The following RBFOX3 variants were observed in gnomAD, a reference collection of about 807,000 sequenced individuals.
The protein encoded by RBFOX3 is RNA binding fox-1 homolog 3.
Under a neutral mutation model 48.7 loss-of-function variants are expected in RBFOX3, and 17 were observed. The observed-to-expected ratio is 0.35, with a 90% CI of 0.24 to 0.52. The LOEUF is 0.52. Ranked by LOEUF, RBFOX3 falls within the 20% of genes least tolerant of loss-of-function variation. RBFOX3 has a pLI of 0.94. For missense variants in RBFOX3, 382 were observed against 497.5 expected (o/e 0.77, Z 2.21); for synonymous variants, 212 against 209.5 (o/e 1.01, Z -0.10).
intron 2 of RBFOX3, among the ~76,000 whole-genome samples, chr17:79,446,141 G>C (rs1426510589): frequency 6.6e-6 from 1 of 152,170 alleles, no homozygotes; most frequent in South Asian, 2.1e-4. Flanking sequence ...CTGAGGCTCT[G>C]AACTCCTCAC....
At chr17:79,621,533 C>T in the RBFOX3 span, among the ~76,000 whole-genome samples, 5 of 152,198 alleles carry the variant, frequency 3.3e-5, no homozygotes, top group Non-Finnish European at 7.3e-5. Context: ...TCATGTTGGT[C>T]GTTAGAGTTT....
chr17:79,216,901 A>C (rs1320242175), intron 4 of RBFOX3, among the ~76,000 whole-genome samples: 1 of 152,032 alleles, frequency 6.6e-6, no homozygotes, highest in Non-Finnish European at 1.5e-5. Context: ...CATTGAGCCC[A>C]CTGCCCAGAC....
intron 1 of RBFOX3, among the ~76,000 whole-genome samples, chr17:79,569,021 C>G (rs955165282): frequency 1.4e-4 from 22 of 151,938 alleles, no homozygotes; most frequent in Non-Finnish European, 3.1e-4. Context: ...CCACTAGCCT[C>G]TCAGGTAGGT....
Position 79,277,811 on chromosome 17 carries a change from G to A in RBFOX3, c.-74+29913C>T, listed in dbSNP as rs545155490. Among the ~76,000 whole-genome samples, 5 of 152,368 alleles carry A rather than the reference G, an allele frequency of 3.3e-5. No individual in the cohort carries two copies. The East Asian group carries it at 7.7e-4, about 24-fold the overall frequency. On this transcript the variant is annotated intron_variant, in intron 3 of 14. Transcript: ENST00000693108. ...GCAAGCCAGAAGGCTCGGAGACAGC[G>A]TGTGCAAACACAGAGCCTGGGCACA...
intron 3 of RBFOX3, among the ~76,000 whole-genome samples, chr17:79,241,392 T>C (rs2062352676): frequency 6.6e-6 from 1 of 152,122 alleles, no homozygotes; most frequent in East Asian, 1.9e-4. Flanking sequence ...ATTCCATCAT[T>C]TTGGGACATC....
At chr17:79,309,422 C>G (rs1349553651) in intron 2 of RBFOX3, among the ~76,000 whole-genome samples, 1 of 151,894 alleles carries the variant, frequency 6.6e-6, no homozygotes, top group East Asian at 1.9e-4. Context: ...GCTTCTCACA[C>G]CTGCTCCTTG....
chr17:79,244,360 T>G (rs2062823717), intron 3 of RBFOX3, among the ~76,000 whole-genome samples: 1 of 152,166 alleles, frequency 6.6e-6, no homozygotes, highest in Non-Finnish European at 1.5e-5. Context: ...AGCAGGGCCC[T>G]GAGACACCTG....
In RBFOX3 at chr17:79,115,559, T is replaced by C; in HGVS notation, c.157A>G (p.Thr53Ala). 1 of 1,335,264 alleles carries C rather than the reference T, an allele frequency of 7.5e-7. No individual in the cohort carries two copies. The highest frequency in any genetic ancestry group is 2.2e-5 in the South Asian group (1 of 46,350). The allele number at this position is 1,335,264 out of a possible 1,614,324, so 82.7% of individuals were successfully genotyped here. The change falls in exon 5 of 15, where the codon ACC becomes GCC. Residue 53 changes from threonine to alanine, a missense_variant. Around this residue, in one of 3 missense-constraint regions of RBFOX3, gnomAD observed 118 missense variants for 132.1 expected, o/e 0.89. Transcript: ENST00000693108. ...TCGGAGCCTGGCTGCTCGGGGTGGG[T>C]CTGTGCTGGTGTGTACAGGGTCATG... Reference protein sequence around the residue: ...HGMTLYTPAQTHPEQPGSEAS... With the variant: ...HGMTLYTPAQAHPEQPGSEAS...
chr17:79,652,597 G>GAA, the RBFOX3 span, among the ~76,000 whole-genome samples: 37 of 146,556 alleles, frequency 2.5e-4, 1 homozygote, highest in African/African-American at 8.0e-4. Context: ...GAGAGGAGAG[G>GAA]AGAGGAAAGG....
chr17:79,637,467 G>A, the RBFOX3 span, among the ~76,000 whole-genome samples: 1 of 151,978 alleles, frequency 6.6e-6, no homozygotes, highest in Admixed American at 6.5e-5. Context: ...GCTGAGGGGG[G>A]TGGATCACCT....
At chr17:79,394,807 C>T (rs1168439234) in intron 2 of RBFOX3, among the ~76,000 whole-genome samples, 3 of 152,236 alleles carry the variant, frequency 2.0e-5, no homozygotes, top group African/African-American at 7.2e-5. Flanking sequence ...CTCTGCCCCA[C>T]TCCTGAGACG....
In RBFOX3 at chr17:79,471,320, A is replaced by C. The variant is rs1347047659; in HGVS notation, c.-175+11134T>G. Among the ~76,000 whole-genome samples, 2 of 152,200 alleles carry C rather than the reference A, an allele frequency of 1.3e-5. No individual in the cohort carries two copies. Among genetic ancestry groups the C allele is most frequent in the Non-Finnish European group, 2.9e-5 (2 of 68,036 alleles). On this transcript the variant is annotated intron_variant, in intron 2 of 14. Transcript: ENST00000693108. The surrounding 1 kb of genome is among the most constrained non-coding windows in gnomAD (Gnocchi z 4.0). ...GGTATTCGCAGGGAAATGAGGGCAA[A>C]GCATTTTGCAAAGAGCGTGCAGGGC... is the stretch of plus-strand genomic sequence containing the variant.
At chr17:79,383,759 G>A (rs960314708) in intron 2 of RBFOX3, among the ~76,000 whole-genome samples, 1 of 152,150 alleles carries the variant, frequency 6.6e-6, no homozygotes, top group South Asian at 2.1e-4. Flanking sequence ...TGACTGTAGG[G>A]CCTGGGGAGC....
chr17:79,150,312 G>A lies in RBFOX3; in HGVS notation c.-33-34564C>T, dbSNP rs1040412027. 4.7e-4 allele frequency among the ~76,000 whole-genome samples: 72 copies of A among 152,118 alleles called. 2 individuals are homozygous for A. The highest frequency in any genetic ancestry group is 1.7e-3 in the African/African-American group (71 of 41,528). On this transcript the variant is annotated intron_variant, in intron 4 of 14. Transcript: ENST00000693108. ...CCACTCTGCTTGGGTAGGACGCTCT[G>A]GGTCAAGGGGCAGAGTGGCTGCTGT...
At chr17:79,612,713 C>T (rs891777914), upstream of RBFOX3, among the ~76,000 whole-genome samples, 383 of 152,350 alleles carry the variant, frequency 2.5e-3, 1 homozygote, top group African/African-American at 8.7e-3. Context: ...CCCCTGCCAC[C>T]GGATTTGAAA....
intron 1 of RBFOX3, among the ~76,000 whole-genome samples, chr17:79,509,419 G>T (rs2083743330): frequency 6.6e-6 from 1 of 152,090 alleles, no homozygotes; most frequent in African/African-American, 2.4e-5. Context: ...CACTCTGCGG[G>T]TATATTTGTT....
the RBFOX3 span, among the ~76,000 whole-genome samples, chr17:79,655,799 T>C: frequency 6.6e-6 from 1 of 152,026 alleles, no homozygotes; most frequent in African/African-American, 2.4e-5. Flanking sequence ...CAGTATGGGG[T>C]GTCCACCAAT....
In RBFOX3 at chr17:79,311,775, G is replaced by A. The variant is rs2076890430; in HGVS notation, c.-174-3951C>T. On this transcript the variant is annotated intron_variant, in intron 2 of 14. Coordinates refer to ENST00000693108, the MANE Select transcript of RBFOX3 (RefSeq NM_001350451.2). This position sits in a 1 kb window ranked among gnomAD's most constrained non-coding sequence, Gnocchi z 4.2. Reference sequence around the variant, plus strand: ...GCATGCAGTTCTGGCTGGTGGAGTGGGAAGCAGTGCCCCCATGATGGCAGA... The same window carrying A: ...GCATGCAGTTCTGGCTGGTGGAGTGAGAAGCAGTGCCCCCATGATGGCAGA... Among the ~76,000 whole-genome samples, 1 of 152,158 alleles carries A rather than the reference G, an allele frequency of 6.6e-6. No individual in the cohort carries two copies. Among genetic ancestry groups the A allele is most frequent in the Non-Finnish European group, 1.5e-5 (1 of 68,032 alleles).
At chr17:79,499,325 T>C (rs2149710172) in intron 1 of RBFOX3, among the ~76,000 whole-genome samples, 1 of 151,810 alleles carries the variant, frequency 6.6e-6, no homozygotes, top group South Asian at 2.1e-4. Context: ...CACTCATCCA[T>C]CCACGCATCC....
Sources: allele counts gnomAD v4.1 joint callset (sites outside exome capture counted in the v4.1 genomes callset), GRCh38; gene constraint gnomAD v4.1.1; regional missense constraint gnomAD v4.1.1; non-coding constraint Gnocchi (gnomAD v3.1); transcripts MANE v1.5; gene names NCBI Gene and HGNC (gene_info 2026-07-23, HGNC 2026-07-21).